Variants in TTC6 observed in about 807,000 individuals in gnomAD.
TTC6 encodes the protein tetratricopeptide repeat protein 6.
In TTC6, 172 loss-of-function variants were observed where a neutral mutation model predicts 210.4. The observed-to-expected ratio is 0.82, with a 90% CI of 0.72 to 0.93. The LOEUF is 0.93. Ranked by LOEUF, TTC6 falls within the 40% of genes least tolerant of loss-of-function variation. The probability of loss-of-function intolerance (pLI) is 0.00; values close to 1 mark genes in which losing one functional copy is unlikely to be tolerated. For missense variants in TTC6, 2,414 were observed against 2,318.1 expected (o/e 1.04, Z -0.85); for synonymous variants, 804 against 819.6 (o/e 0.98, Z 0.32).
chr14:37,811,115 C>T lies in TTC6; in HGVS notation c.4570-1199C>T, dbSNP rs184491121. ...TAATCAAAACCTGTGTGCTCCCATC[C>T]CTACCCCTTACCCTCGTTGACCTTT... On this transcript the variant is annotated intron_variant, in intron 24 of 30. Coordinates refer to ENST00000553443, the Ensembl canonical transcript of TTC6. Among the ~76,000 whole-genome samples the T allele has an allele frequency of 5.3e-5, 8 of 152,282 alleles. No individual in the cohort carries two copies. The East Asian group carries it at 9.7e-4, about 18-fold the overall frequency.
chr14:37,596,468 A>G (rs1273858982), intron 1 of TTC6, among the ~76,000 whole-genome samples: 1 of 152,082 alleles, frequency 6.6e-6, no homozygotes, highest in African/African-American at 2.4e-5. Flanking sequence ...TCGGTGGGAG[A>G]GTCTTCCCAA....
intron 1 of TTC6, among the ~76,000 whole-genome samples, chr14:37,606,344 A>G (rs2095625099): frequency 6.6e-6 from 1 of 152,160 alleles, no homozygotes; most frequent in Admixed American, 6.5e-5. Flanking sequence ...CTTTGGACTT[A>G]CAAATGGGTT....
At chr14:37,725,818 A>G (rs77230286) in intron 7 of TTC6, among the ~76,000 whole-genome samples, 2,929 of 152,198 alleles carry the variant, frequency 0.019, 67 homozygotes, top group African/African-American at 0.052. Flanking sequence ...TGGTATTTTC[A>G]TTTGTTTTTA....
intron 3 of TTC6, among the ~76,000 whole-genome samples, chr14:37,683,339 G>C (rs1263602920): frequency 6.6e-6 from 1 of 152,034 alleles, no homozygotes; most frequent in Non-Finnish European, 1.5e-5. Context: ...CCTCATTTAG[G>C]TTCATACTAA....
chr14:37,708,055 T>C (rs2095838681), intron 5 of TTC6, among the ~76,000 whole-genome samples: 1 of 152,068 alleles, frequency 6.6e-6, no homozygotes, highest in Non-Finnish European at 1.5e-5. Flanking sequence ...GTTTTCTATA[T>C]GGTAGATTAC....
chr14:37,622,309 C>G, exon 1 of TTC6: 1 of 1,534,040 alleles, frequency 6.5e-7, no homozygotes, highest in South Asian at 1.2e-5. Context: ...CTTAAAGGCC[C>G]TGCGATGTCC....
chr14:37,595,806 C>G (rs1415590337), upstream of TTC6: 4 of 152,260 alleles, frequency 2.6e-5, no homozygotes, highest in Admixed American at 2.6e-4. Flanking sequence ...AGTTCAACCC[C>G]GGGAGACTGG....
intron 1 of TTC6, among the ~76,000 whole-genome samples, chr14:37,602,593 G>T (rs569870889): frequency 4.5e-4 from 69 of 152,262 alleles, no homozygotes; most frequent in Admixed American, 7.2e-4. Flanking sequence ...TGTCCTCGAT[G>T]TTCCTCCCAC....
At chr14:37,603,900 C>G (rs1369871999) in intron 1 of TTC6, among the ~76,000 whole-genome samples, 1 of 152,226 alleles carries the variant, frequency 6.6e-6, no homozygotes, top group Non-Finnish European at 1.5e-5. Context: ...CTAGCTCTCC[C>G]TGAGCCTCAG....
At chr14:37,793,164 C>T (rs1480439447) in intron 17 of TTC6, among the ~76,000 whole-genome samples, 5 of 152,138 alleles carry the variant, frequency 3.3e-5, no homozygotes, top group Non-Finnish European at 7.4e-5. Context: ...CAAAACATGT[C>T]AGATTATTTC....
chr14:37,779,268 AT>A (rs984404249), intron 14 of TTC6, among the ~76,000 whole-genome samples: 1 of 152,074 alleles, frequency 6.6e-6, no homozygotes, highest in African/African-American at 2.4e-5. Context: ...TTCTCAATGC[AT>A]TCTCTATGAA....
At chr14:37,797,004 GCTTAGTATA>G in intron 20 of TTC6, 57 bp downstream of exon 22, 3 of 1,394,680 alleles carry the variant, frequency 2.2e-6, no homozygotes, top group Non-Finnish European at 2.8e-6. Context: ...TATATATTGT[GCTTAGTATA>G]CCACTTTAAA....
At chr14:37,631,539 T>G (rs1007991793) in intron 1 of TTC6, among the ~76,000 whole-genome samples, 2 of 152,216 alleles carry the variant, frequency 1.3e-5, no homozygotes, top group Non-Finnish European at 1.5e-5. Flanking sequence ...CTGGCTGCCC[T>G]TAACATTTTT....
chr14:37,675,322 A>G (rs1280286925), intron 1 of TTC6, among the ~76,000 whole-genome samples: 1 of 152,120 alleles, frequency 6.6e-6, no homozygotes, highest in Admixed American at 6.6e-5. Flanking sequence ...GAATCATACA[A>G]TTTGTGACCT....
intron 16 of TTC6, 55 bp downstream of exon 18, chr14:37,790,892 T>A: frequency 7.0e-7 from 1 of 1,434,586 alleles, no homozygotes; most frequent in Non-Finnish European, 9.3e-7. Flanking sequence ...ATCGAAAACC[T>A]GAAATGGGAG....
chr14:37,830,466 G>GA (rs1483470910), intron 29 of TTC6, among the ~76,000 whole-genome samples: 1 of 151,412 alleles, frequency 6.6e-6, no homozygotes. Flanking sequence ...TATAGATGTT[G>GA]TATATTCCTT....
At chr14:37,749,207 C>T (rs1236044310) in exon 11 of TTC6, 2 of 1,530,686 alleles carry the variant, frequency 1.3e-6, no homozygotes, top group Admixed American at 2.0e-5. Context: ...GAAAGAACCA[C>T]CAAAACTAAA....
chr14:37,805,450 C>CACACAA (rs1367948077), intron 21 of TTC6, among the ~76,000 whole-genome samples: 1 of 150,680 alleles, frequency 6.6e-6, no homozygotes, highest in African/African-American at 2.4e-5. Context: ...CACACACACA[C>CACACAA]ACAAACACAC....
intron 1 of TTC6, among the ~76,000 whole-genome samples, chr14:37,628,299 A>C (rs1189159155): frequency 6.6e-6 from 1 of 152,142 alleles, no homozygotes; most frequent in African/African-American, 2.4e-5. Flanking sequence ...AATGATTGCC[A>C]TTCTAACTGG....
Sources: allele counts gnomAD v4.1 joint callset (sites outside exome capture counted in the v4.1 genomes callset), GRCh38; gene constraint gnomAD v4.1.1; transcripts MANE v1.5; gene names NCBI Gene and HGNC (gene_info 2026-07-23, HGNC 2026-07-21).